WDR27: variants seen among roughly 807,000 people sequenced by gnomAD.
The protein encoded by WDR27 is WD repeat domain 27.
A neutral mutation model predicts 114.4 loss-of-function variants in WDR27; 100 were observed. The observed-to-expected ratio is 0.87, with a 90% confidence interval of 0.74 to 1.03. WDR27 has a LOEUF of 1.03. Ranked by LOEUF, WDR27 falls within the 50% of genes least tolerant of loss-of-function variation. The pLI is 0.00. For synonymous variants in WDR27, 449 were observed against 423.1 expected (o/e 1.06, Z -0.75); for missense variants, 1,129 against 1,092.9 (o/e 1.03, Z -0.47).
At chr6:169,482,305 T>C (rs909534365) in intron 25 of WDR27, among the ~76,000 whole-genome samples, 1 of 152,234 alleles carries the variant, frequency 6.6e-6, no homozygotes, top group Non-Finnish European at 1.5e-5. Flanking sequence ...TTCCTTTGGG[T>C]ATATACCAAG....
At chr6:169,530,633 C>T (rs1165891655) in intron 25 of WDR27, among the ~76,000 whole-genome samples, 12 of 152,294 alleles carry the variant, frequency 7.9e-5, no homozygotes, top group African/African-American at 2.4e-4. Context: ...GAGACTGCAA[C>T]GCATGGAGGT....
At chr6:169,447,540 T>A in the WDR27 span, among the ~76,000 whole-genome samples, 3 of 152,206 alleles carry the variant, frequency 2.0e-5, no homozygotes, top group African/African-American at 4.8e-5. Context: ...TAATTCTGTG[T>A]TGTTTTGTTT....
intron 25 of WDR27, among the ~76,000 whole-genome samples, chr6:169,556,978 C>A (rs1798981607): frequency 6.6e-6 from 1 of 152,144 alleles, no homozygotes; most frequent in Non-Finnish European, 1.5e-5. Context: ...GATGTACAAC[C>A]CCATGCAAAA....
At chr6:169,439,317 C>T in the WDR27 span, among the ~76,000 whole-genome samples, 1 of 152,152 alleles carries the variant, frequency 6.6e-6, no homozygotes, top group African/African-American at 2.4e-5. Flanking sequence ...AAATGCCATA[C>T]ACAATAGAAA....
chr6:169,623,979 G>A (rs999400130), intron 21 of WDR27, among the ~76,000 whole-genome samples: 17 of 152,312 alleles, frequency 1.1e-4, no homozygotes, highest in African/African-American at 3.8e-4. Flanking sequence ...AGCCACCCAC[G>A]AGGCGAGGTG....
intron 25 of WDR27, among the ~76,000 whole-genome samples, chr6:169,486,086 C>A (rs1443219887): frequency 6.6e-6 from 1 of 151,570 alleles, no homozygotes; most frequent in Non-Finnish European, 1.5e-5. Context: ...ATAACCTGCA[C>A]AACAAATCCC....
At chr6:169,458,005 G>GAGGAGGAGGAGA (rs1445002420) in intron 25 of WDR27, among the ~76,000 whole-genome samples, 1 of 151,788 alleles carries the variant, frequency 6.6e-6, no homozygotes, top group African/African-American at 2.4e-5. Context: ...GGAGGAGGAG[G>GAGGAGGAGGAGA]AGGTGGTGGT....
chr6:169,561,640 C>A (rs1318430986), intron 25 of WDR27, among the ~76,000 whole-genome samples: 2 of 150,064 alleles, frequency 1.3e-5, no homozygotes, highest in Non-Finnish European at 3.0e-5. Flanking sequence ...AAAGAAAGCA[C>A]AAAAATAAAA....
chr6:169,463,651 A>G (rs1382097758), intron 25 of WDR27, among the ~76,000 whole-genome samples: 1 of 152,218 alleles, frequency 6.6e-6, no homozygotes, highest in African/African-American at 2.4e-5. Flanking sequence ...TACACATTCC[A>G]CTCACAAAAA....
chr6:169,451,298 T>C, the WDR27 span, among the ~76,000 whole-genome samples: 1 of 152,222 alleles, frequency 6.6e-6, no homozygotes, highest in East Asian at 1.9e-4. Flanking sequence ...CGCTTTGACT[T>C]GTCCTGTCTT....
intron 25 of WDR27, among the ~76,000 whole-genome samples, chr6:169,560,833 A>G (rs1029267341): frequency 6.6e-5 from 10 of 152,024 alleles, no homozygotes; most frequent in Non-Finnish European, 1.3e-4. Flanking sequence ...ATATCAATCC[A>G]CTCTGTGGAG....
intron 1 of WDR27, 50 bp from the exon 2 acceptor site, chr6:169,689,062 C>T (rs528726438): frequency 2.1e-6 from 3 of 1,403,264 alleles, no homozygotes; most frequent in Non-Finnish European, 2.9e-6. Flanking sequence ...ATATTTAATA[C>T]AGAAAAAAAG....
At chr6:169,502,581 C>G (rs528075724) in intron 25 of WDR27, among the ~76,000 whole-genome samples, 1 of 152,250 alleles carries the variant, frequency 6.6e-6, no homozygotes, top group East Asian at 1.9e-4. Context: ...CCGTGTCTTT[C>G]CCAGCTTCCC....
intron 7 of WDR27, 100 bp downstream of exon 7, chr6:169,665,386 C>T (rs1463568035): frequency 6.8e-7 from 1 of 1,477,792 alleles, no homozygotes; most frequent in South Asian, 1.4e-5. Flanking sequence ...TTTTTCAAAT[C>T]GCAGGAAAAT....
intron 25 of WDR27, among the ~76,000 whole-genome samples, chr6:169,484,323 A>G (rs1788596811): frequency 3.3e-5 from 5 of 152,244 alleles, no homozygotes; most frequent in Admixed American, 1.3e-4. Context: ...CAACGTCAGC[A>G]AAGTTTCAGA....
chr6:169,599,311 T>C (rs1461710782), intron 23 of WDR27, among the ~76,000 whole-genome samples: 13 of 152,182 alleles, frequency 8.5e-5, no homozygotes, highest in East Asian at 3.8e-4. Flanking sequence ...AAAGAAGAGA[T>C]TGGTATTTGA....
intron 1 of WDR27, among the ~76,000 whole-genome samples, chr6:169,700,495 T>C (rs2128321698): frequency 6.6e-6 from 1 of 152,338 alleles, no homozygotes; most frequent in Non-Finnish European, 1.5e-5. Context: ...ATGTAGTCGT[T>C]GAGTGCCTGG....
chr6:169,614,920 T>C (rs1214728283), intron 21 of WDR27, among the ~76,000 whole-genome samples: 1 of 152,024 alleles, frequency 6.6e-6, no homozygotes, highest in Non-Finnish European at 1.5e-5. Flanking sequence ...CAGACAGCAA[T>C]TGCTAGTATA....
At chr6:169,690,035 T>C (rs1300474074) in intron 1 of WDR27, among the ~76,000 whole-genome samples, 1 of 152,034 alleles carries the variant, frequency 6.6e-6, no homozygotes, top group Non-Finnish European at 1.5e-5. Context: ...GATCCACCCA[T>C]GAGGCCCTCA....
Sources: gnomAD v4.1 joint callset for allele counts (sites outside exome capture counted in the v4.1 genomes callset) on GRCh38, gnomAD v4.1.1 for gene constraint, MANE v1.5 for transcripts, NCBI Gene and HGNC (gene_info 2026-07-23, HGNC 2026-07-21) for gene names.